Variants in CERT1 observed in about 807,000 individuals in gnomAD.
The protein encoded by CERT1 is ceramide transfer protein.
In CERT1, 31 loss-of-function variants were observed where a neutral mutation model predicts 87.9. That is an observed-to-expected ratio of 0.35 (90% CI 0.27 to 0.48). The LOEUF is 0.48. Ranked by LOEUF, CERT1 falls within the 20% of genes least tolerant of loss-of-function variation. The pLI, the probability that CERT1 is intolerant of heterozygous loss-of-function variation, is 0.99. For missense variants in CERT1, 487 were observed against 758.0 expected (o/e 0.64, Z 4.20); for synonymous variants, 289 against 250.9 (o/e 1.15, Z -1.44).
At chr5:75,410,785 C>T (rs1762904559) in intron 8 of CERT1, 1 of 310,696 alleles carries the variant, frequency 3.2e-6, no homozygotes, top group Admixed American at 4.9e-5. Flanking sequence ...AGTGAACAGG[C>T]CTAATACTAA....
chr5:75,372,672 T>C (rs1159785019), intron 17 of CERT1: 4 of 152,214 alleles, frequency 2.6e-5, no homozygotes, highest in Non-Finnish European at 5.9e-5. Context: ...ATAATAAATA[T>C]CACTATATCT....
At chr5:75,482,916 T>C (rs758824696) in intron 2 of CERT1, among the ~76,000 whole-genome samples, 5 of 152,166 alleles carry the variant, frequency 3.3e-5, no homozygotes, top group Admixed American at 6.5e-5. Flanking sequence ...CTAAGAAGAA[T>C]GGGTACAAAG....
intron 5 of CERT1, among the ~76,000 whole-genome samples, chr5:75,423,807 A>C (rs1763488687): frequency 6.6e-6 from 1 of 152,214 alleles, no homozygotes; most frequent in Non-Finnish European, 1.5e-5. Context: ...GTAGCCACTA[A>C]AATAACAAAA....
rs1761398993 is a variant in CERT1 at position 75,378,126 on chromosome 5, T to C, written c.*1220A>G. Reference sequence around the variant, plus strand: ...TTAACGTATCACTTACTTTAAAAAGTTAAAGATTTTGGGCTGAGTGCAGTG... The same window carrying C: ...TTAACGTATCACTTACTTTAAAAAGCTAAAGATTTTGGGCTGAGTGCAGTG... On this transcript the variant is annotated 3_prime_UTR_variant, in exon 17 of 17. Transcript: ENST00000643780. 1 of 152,176 alleles carries C rather than the reference T, an allele frequency of 6.6e-6. No individual in the cohort carries two copies. The highest frequency in any genetic ancestry group is 1.5e-5 in the Non-Finnish European group (1 of 68,052). 9.4% of individuals were successfully genotyped at this position (152,176 alleles called of 1,614,324 possible). A position where few individuals can be genotyped will look rare whatever the true frequency, so the allele number is the denominator to read the frequency against.
chr5:75,453,015 G>A (rs919167050), intron 3 of CERT1, among the ~76,000 whole-genome samples: 1 of 151,984 alleles, frequency 6.6e-6, no homozygotes, highest in Non-Finnish European at 1.5e-5. Flanking sequence ...GAATGACCTC[G>A]GGAATAACTT....
intron 2 of CERT1, among the ~76,000 whole-genome samples, chr5:75,478,941 C>CAAAAAAAAAAAAAA (rs1766102230): frequency 1.1e-5 from 1 of 94,710 alleles, no homozygotes. Flanking sequence ...AAAAAAAAAG[C>CAAAAAAAAAAAAAA]CACACGCGTT....
chr5:75,419,289 T>C, intron 6 of CERT1, 52 bp downstream of exon 6: 1 of 1,198,582 alleles, frequency 8.3e-7, no homozygotes, highest in Non-Finnish European at 1.2e-6. Flanking sequence ...AGTTGTTACA[T>C]AACTTCTGAA....
chr5:75,380,846 A>G (rs1761547634), intron 16 of CERT1, among the ~76,000 whole-genome samples: 1 of 151,780 alleles, frequency 6.6e-6, no homozygotes, highest in Non-Finnish European at 1.5e-5. Context: ...AAATTTTCCT[A>G]TCCAGCTCTA....
intron 11 of CERT1, among the ~76,000 whole-genome samples, chr5:75,398,346 A>C (rs1192635537): frequency 2.6e-4 from 39 of 152,334 alleles, no homozygotes; most frequent in African/African-American, 7.0e-4. Flanking sequence ...TAGCTCAAAG[A>C]AATTATGTTA....
rs1327399560 is a variant in CERT1, at chr5:75,500,981, G to T, written c.231+5001C>A. ...CTTCCCTTGCTTTTATATCTCCATTGTCTGTTTTTTTTGTTTTTTTTTTTT... is the reference window on the plus strand; with the variant it reads ...CTTCCCTTGCTTTTATATCTCCATTTTCTGTTTTTTTTGTTTTTTTTTTTT... On this transcript the variant is annotated intron_variant, in intron 2 of 16. Transcript: ENST00000643780. Among the ~76,000 whole-genome samples the T allele has an allele frequency of 3.4e-5, 5 of 148,736 alleles. No individual in the cohort carries two copies. The East Asian group carries it at 6.1e-4, about 18-fold the overall frequency.
At chr5:75,411,981 T>G (rs778472623) in intron 7 of CERT1, among the ~76,000 whole-genome samples, 8 of 152,194 alleles carry the variant, frequency 5.3e-5, no homozygotes, top group Non-Finnish European at 8.8e-5. Context: ...CTCCTTTTAA[T>G]GATAGGGCCT....
chr5:75,506,003 A>G lies in CERT1; in HGVS notation c.210T>C (p.Cys70=). The change falls in exon 2 of 17, where the codon TGT becomes TGC. Residue 70 remains cysteine, a synonymous_variant. Transcript: ENST00000643780. ...ETEYGCRGSI[C]LSKAVITPHD... is the part of the protein sequence containing the mutation. ...TTACTGTGATGACAGCCTTGCTAAGACAGATGGATCCTCTGCAGCCATACT... is the reference window on the plus strand; with the variant it reads ...TTACTGTGATGACAGCCTTGCTAAGGCAGATGGATCCTCTGCAGCCATACT... 2 of 1,613,824 alleles carry G rather than the reference A, an allele frequency of 1.2e-6. No individual in the cohort carries two copies. The highest frequency in any genetic ancestry group is 1.7e-6 in the Non-Finnish European group (2 of 1,179,780).
At chr5:75,476,918 A>G (rs1180882824) in intron 2 of CERT1, among the ~76,000 whole-genome samples, 1 of 152,186 alleles carries the variant, frequency 6.6e-6, no homozygotes, top group Non-Finnish European at 1.5e-5. Context: ...ATGGGGGAAA[A>G]AAAAATCCAG....
chr5:75,387,426 T>C (rs1761837960), intron 12 of CERT1, among the ~76,000 whole-genome samples: 1 of 152,112 alleles, frequency 6.6e-6, no homozygotes, highest in Non-Finnish European at 1.5e-5. Flanking sequence ...GTTTCTTCCC[T>C]ATCAGCTTGA....
intron 3 of CERT1, among the ~76,000 whole-genome samples, chr5:75,440,879 T>A (rs1258065868): frequency 6.6e-6 from 1 of 152,164 alleles, no homozygotes. Context: ...ACACTTGTAA[T>A]TCAGGGCTTT....
chr5:75,413,049 C>T (rs1762994459), intron 7 of CERT1, among the ~76,000 whole-genome samples: 2 of 152,228 alleles, frequency 1.3e-5, no homozygotes, highest in Admixed American at 6.5e-5. Flanking sequence ...TTTCTTTATA[C>T]TGTATTCTAC....
intron 2 of CERT1, among the ~76,000 whole-genome samples, chr5:75,490,038 C>T (rs1766706537): frequency 6.6e-6 from 1 of 152,166 alleles, no homozygotes; most frequent in Non-Finnish European, 1.5e-5. Flanking sequence ...GAGTTCATGT[C>T]CTTTGTAGGG....
intron 1 of CERT1, among the ~76,000 whole-genome samples, chr5:75,509,880 T>A (rs1297996747): frequency 6.6e-6 from 1 of 152,200 alleles, no homozygotes; most frequent in Non-Finnish European, 1.5e-5. Flanking sequence ...GAGGAGCTTC[T>A]CGTTACTGAA....
chr5:75,369,475 G>A (rs1214388471), intron 17 of CERT1: 2 of 151,696 alleles, frequency 1.3e-5, no homozygotes, highest in African/African-American at 4.8e-5. Context: ...CTATATTCTA[G>A]ATATTACACA....
Sources: gnomAD v4.1 joint callset for allele counts (sites outside exome capture counted in the v4.1 genomes callset) on GRCh38, gnomAD v4.1.1 for gene constraint, MANE v1.5 for transcripts, NCBI Gene and HGNC (gene_info 2026-07-23, HGNC 2026-07-21) for gene names.